Variants in FHIT observed in about 807,000 individuals in gnomAD.
The protein encoded by FHIT is bis(5'-adenosyl)-triphosphatase.
In FHIT, 19 loss-of-function variants were observed where a neutral mutation model predicts 17.9. The observed-to-expected ratio is 1.06, with a 90% CI of 0.74 to 1.56. The LOEUF is 1.56. FHIT is among the 40% of genes most tolerant of loss of function. The pLI, the probability that FHIT is intolerant of heterozygous loss-of-function variation, is 0.00. For missense variants in FHIT, 248 were observed against 189.2 expected (o/e 1.31, Z -1.82); for synonymous variants, 81 against 69.7 (o/e 1.16, Z -0.81).
At chr3:61,108,188 A>T (rs564979704) in intron 2 of FHIT, among the ~76,000 whole-genome samples, 2 of 152,230 alleles carry the variant, frequency 1.3e-5, no homozygotes, top group African/African-American at 4.8e-5. Flanking sequence ...TATTATTATC[A>T]TCTTCATTAT....
chr3:61,155,216 G>T (rs1203633265), intron 2 of FHIT, among the ~76,000 whole-genome samples: 1 of 152,128 alleles, frequency 6.6e-6, no homozygotes, highest in Non-Finnish European at 1.5e-5. Context: ...TAAGAGAGGG[G>T]AACTTATGAG....
At position 59,865,769 on chromosome 3, in the gene FHIT, G is replaced by A. The variant is rs1199757200; in HGVS notation, c.348+56577C>T. Reference sequence around the variant, plus strand: ...GATTCAGGCAGGCGATGGTGGAAATGTACCCAGCCACTCCTTCACCTCCAC... The same window carrying A: ...GATTCAGGCAGGCGATGGTGGAAATATACCCAGCCACTCCTTCACCTCCAC... On this transcript the variant is annotated intron_variant, in intron 8 of 9. Coordinates refer to ENST00000492590, the MANE Select transcript of FHIT (RefSeq NM_002012.4). Among the ~76,000 whole-genome samples the A allele has an allele frequency of 3.3e-5, 5 of 152,320 alleles. No individual in the cohort carries two copies. The East Asian group carries it at 9.6e-4, about 29-fold the overall frequency.
rs188028913 is a variant in FHIT, at chr3:60,277,346, T to C, written c.103+259514A>G. Among the ~76,000 whole-genome samples, 15 of 152,284 alleles carry C rather than the reference T, an allele frequency of 9.9e-5. No homozygotes were observed. In the East Asian group the frequency reaches 2.9e-3, roughly 29 times the overall value. On this transcript the variant is annotated intron_variant, in intron 5 of 9. Coordinates refer to ENST00000492590, the MANE Select transcript of FHIT (RefSeq NM_002012.4). ...GAAAAGCAGCCGCCAAATCATTTTC[T>C]TTTCTAACAAAGAGCAGCCTGTAAA...
At chr3:60,577,729 C>T (rs574205683) in intron 4 of FHIT, among the ~76,000 whole-genome samples, 8 of 152,166 alleles carry the variant, frequency 5.3e-5, no homozygotes, top group Non-Finnish European at 1.2e-4. Flanking sequence ...TATATACAAC[C>T]GTTCGGCTGC....
At chr3:60,195,993 A>T (rs1000038846) in intron 5 of FHIT, among the ~76,000 whole-genome samples, 4 of 152,136 alleles carry the variant, frequency 2.6e-5, no homozygotes, top group African/African-American at 4.8e-5. Context: ...TTCATCACAT[A>T]ACCAAAACCT....
At chr3:59,831,861 G>C (rs1308536705) in intron 8 of FHIT, among the ~76,000 whole-genome samples, 1 of 152,118 alleles carries the variant, frequency 6.6e-6, no homozygotes, top group Admixed American at 6.5e-5. Context: ...AGGGTTTAAA[G>C]GGTATTGCTC....
At chr3:60,015,459 A>G (rs113031890) in intron 5 of FHIT, among the ~76,000 whole-genome samples, 3,942 of 152,314 alleles carry the variant, frequency 0.026, 97 homozygotes, top group South Asian at 0.11. Flanking sequence ...ATAATTATCC[A>G]TCTTTGGCAG....
chr3:60,398,403 A>C (rs188441344), intron 5 of FHIT, among the ~76,000 whole-genome samples: 77 of 152,326 alleles, frequency 5.1e-4, no homozygotes, highest in African/African-American at 1.8e-3. Context: ...AATTTCAGCC[A>C]GCAAGAAACT....
rs186535452 is a variant in FHIT, at chr3:61,225,314, C to T, written c.-212-24649G>A. 7.2e-5 allele frequency among the ~76,000 whole-genome samples: 11 copies of T among 152,182 alleles called. No individual in the cohort carries two copies. The East Asian group carries it at 1.4e-3, about 19-fold the overall frequency. On this transcript the variant is annotated intron_variant, in intron 1 of 9. Transcript: ENST00000492590. The stretch of plus-strand genomic sequence containing the variant: ...CCTGGTTATATTCTTGAAAAAGTAG[C>T]GGCCTCATAGAGAAAAATATATATA...
intron 5 of FHIT, among the ~76,000 whole-genome samples, chr3:60,016,079 A>G (rs1056104411): frequency 6.6e-6 from 1 of 152,220 alleles, no homozygotes; most frequent in Non-Finnish European, 1.5e-5. Context: ...TCCATATTAT[A>G]CATAGGCTAT....
At chr3:60,851,589 CA>C (rs1703156311) in intron 3 of FHIT, among the ~76,000 whole-genome samples, 1 of 152,066 alleles carries the variant, frequency 6.6e-6, no homozygotes, top group Admixed American at 6.6e-5. Context: ...ATTAAATTGG[CA>C]AAAGTTCAAT....
chr3:60,080,402 T>C (rs531234587), intron 5 of FHIT, among the ~76,000 whole-genome samples: 1 of 152,238 alleles, frequency 6.6e-6, no homozygotes, highest in South Asian at 2.1e-4. Context: ...CAGTTTTAGA[T>C]GGACAGTCCC....
At chr3:60,151,353 C>T (rs1700455207) in intron 5 of FHIT, among the ~76,000 whole-genome samples, 1 of 152,148 alleles carries the variant, frequency 6.6e-6, no homozygotes, top group South Asian at 2.1e-4. Context: ...CACTTCTTAC[C>T]ATTCACACCA....
At chr3:60,530,720 G>C (rs1032199710) in intron 5 of FHIT, among the ~76,000 whole-genome samples, 1 of 152,174 alleles carries the variant, frequency 6.6e-6, no homozygotes, top group Non-Finnish European at 1.5e-5. Context: ...TAGATGGCAA[G>C]TCAAGATGGA....
intron 8 of FHIT, among the ~76,000 whole-genome samples, chr3:59,911,395 T>C (rs372118001): frequency 2.6e-5 from 4 of 152,282 alleles, no homozygotes; most frequent in East Asian, 3.9e-4. Flanking sequence ...GTAGACACAG[T>C]TCCATACATG....
At chr3:60,662,003 T>C (rs1317189490) in intron 4 of FHIT, among the ~76,000 whole-genome samples, 3 of 152,200 alleles carry the variant, frequency 2.0e-5, no homozygotes, top group African/African-American at 7.2e-5. Context: ...ACTCTGTGGG[T>C]TGTCTGTTTA....
chr3:60,919,983 G>A (rs1408011100), intron 3 of FHIT, among the ~76,000 whole-genome samples: 14 of 151,302 alleles, frequency 9.3e-5, no homozygotes, highest in Admixed American at 3.3e-4. Context: ...GCAGTGAGCC[G>A]AGATTGCACC....
At chr3:60,776,939 G>C (rs903786938) in intron 4 of FHIT, among the ~76,000 whole-genome samples, 1 of 152,172 alleles carries the variant, frequency 6.6e-6, no homozygotes, top group Non-Finnish European at 1.5e-5. Context: ...TGAACATACT[G>C]ACTACATTCA....
chr3:60,002,140 T>C (rs1389822225), intron 7 of FHIT, among the ~76,000 whole-genome samples: 3 of 152,160 alleles, frequency 2.0e-5, no homozygotes, highest in South Asian at 4.1e-4. Context: ...GAATTCCATC[T>C]TCATTTTTCA....
Sources: gnomAD v4.1 joint callset for allele counts (sites outside exome capture counted in the v4.1 genomes callset) on GRCh38, gnomAD v4.1.1 for gene constraint, MANE v1.5 for transcripts, NCBI Gene and HGNC (gene_info 2026-07-23, HGNC 2026-07-21) for gene names.